Variants in TIAM1 observed in about 807,000 individuals in gnomAD.
TIAM1 encodes rho guanine nucleotide exchange factor TIAM1.
TIAM1 carries 65 observed loss-of-function variants against 163.5 expected under a neutral mutation model. That is an observed-to-expected ratio of 0.40 (90% CI 0.33 to 0.49). The LOEUF (loss-of-function observed/expected upper bound fraction) is 0.49. Ranked by LOEUF, TIAM1 falls within the 20% of genes least tolerant of loss-of-function variation. TIAM1 has a pLI of 0.77. For synonymous variants in TIAM1, 833 were observed against 810.1 expected (o/e 1.03, Z -0.48); for missense variants, 1,789 against 2,044.7 (o/e 0.87, Z 2.41).
At chr21:31,235,288 GA>G (rs146030724) in intron 6 of TIAM1, among the ~76,000 whole-genome samples, 4 of 151,058 alleles carry the variant, frequency 2.6e-5, no homozygotes, top group East Asian at 3.9e-4. Flanking sequence ...ATTAACTACA[GA>G]AAAAAAAATT....
At chr21:31,498,037 T>C (rs997668681) in intron 1 of TIAM1, among the ~76,000 whole-genome samples, 1 of 152,218 alleles carries the variant, frequency 6.6e-6, no homozygotes, top group African/African-American at 2.4e-5. Flanking sequence ...CTGTCCTCCA[T>C]GTGACTGTCA....
chr21:31,297,293 A>G (rs868842691), intron 2 of TIAM1, among the ~76,000 whole-genome samples: 7 of 152,224 alleles, frequency 4.6e-5, no homozygotes, highest in African/African-American at 1.7e-4. Context: ...AGGCAGAAAT[A>G]GAAAGGTGGA....
chr21:31,433,235 C>A (rs1318682729), intron 2 of TIAM1, among the ~76,000 whole-genome samples: 1 of 152,180 alleles, frequency 6.6e-6, no homozygotes, highest in Non-Finnish European at 1.5e-5. Flanking sequence ...GTAAGAAAGA[C>A]TTCACCAGTA....
intron 1 of TIAM1, among the ~76,000 whole-genome samples, chr21:31,466,415 T>C (rs1172667481): frequency 6.6e-6 from 1 of 151,590 alleles, no homozygotes; most frequent in Non-Finnish European, 1.5e-5. Flanking sequence ...ATAAAGGATA[T>C]CTCTCTAAAC....
chr21:31,129,954 A>T lies in TIAM1; in HGVS notation c.4045+259T>A, dbSNP rs528003636. On this transcript the variant is annotated intron_variant, in intron 25 of 27. Coordinates refer to ENST00000541036, the MANE Select transcript of TIAM1 (RefSeq NM_001353694.2). ...GAATAGAATAACTAGAATCTTTTCC[A>T]GGAATTTTGAAGACATTACACATCC... 1.1e-4 allele frequency among the ~76,000 whole-genome samples: 16 copies of T among 152,334 alleles called. 1 individual carries two copies. The South Asian group carries it at 3.3e-3, about 32-fold the overall frequency.
intron 1 of TIAM1, among the ~76,000 whole-genome samples, chr21:31,522,927 T>A (rs1279739804): frequency 1.3e-5 from 2 of 152,224 alleles, no homozygotes; most frequent in African/African-American, 4.8e-5. Context: ...AACCACAAAT[T>A]CTGTCGTTTA....
intron 2 of TIAM1, among the ~76,000 whole-genome samples, chr21:31,405,571 G>A (rs996274132): frequency 6.6e-6 from 1 of 152,138 alleles, no homozygotes. Context: ...TGGCTGGGGA[G>A]GCCTCACAAT....
intron 1 of TIAM1, among the ~76,000 whole-genome samples, chr21:31,466,429 T>C (rs2045534453): frequency 6.6e-6 from 1 of 151,308 alleles, no homozygotes; most frequent in Admixed American, 6.6e-5. Flanking sequence ...TCTAAACTCA[T>C]CTAGCAGCTC....
chr21:31,449,878 T>C (rs972212480), intron 2 of TIAM1, among the ~76,000 whole-genome samples: 3 of 152,002 alleles, frequency 2.0e-5, no homozygotes, highest in African/African-American at 2.4e-5. Flanking sequence ...AGGCAGAAAA[T>C]GTTCACACTG....
rs139456702 is a variant in TIAM1 at position 31,451,148 on chromosome 21, C to T, written c.-369+12835G>A. Among the ~76,000 whole-genome samples, 609 of 152,186 alleles carry T rather than the reference C, an allele frequency of 4.0e-3. 4 individuals carry two copies. Among genetic ancestry groups the T allele is most frequent in the African/African-American group, 0.014 (575 of 41,538 alleles). On this transcript the variant is annotated intron_variant, in intron 2 of 28. Transcript: ENST00000286827. ...ATAGGCCCCGGCATCTGCGTCATCC[C>T]GTGGAGCAATATGCGGCTCCGAGGC...
At chr21:31,228,582 T>C (rs1197158613) in intron 6 of TIAM1, among the ~76,000 whole-genome samples, 2 of 152,082 alleles carry the variant, frequency 1.3e-5, no homozygotes, top group East Asian at 3.9e-4. Flanking sequence ...TGTGGGATAA[T>C]CACACAATGA....
chr21:31,148,603 C>T (rs1395642100), intron 19 of TIAM1, among the ~76,000 whole-genome samples: 1 of 152,188 alleles, frequency 6.6e-6, no homozygotes, highest in Non-Finnish European at 1.5e-5. Flanking sequence ...TAACCCCTCC[C>T]TTTAGCCATC....
At chr21:31,365,240 A>T (rs1490424499) in intron 2 of TIAM1, among the ~76,000 whole-genome samples, 6 of 152,134 alleles carry the variant, frequency 3.9e-5, no homozygotes, top group African/African-American at 1.2e-4. Context: ...GATCTAACAC[A>T]ACGCACATTT....
chr21:31,459,657 A>G (rs2045249389), intron 2 of TIAM1, among the ~76,000 whole-genome samples: 1 of 152,174 alleles, frequency 6.6e-6, no homozygotes, highest in Non-Finnish European at 1.5e-5. Flanking sequence ...GAAGCTATTA[A>G]TAACTTTCTC....
intron 2 of TIAM1, among the ~76,000 whole-genome samples, chr21:31,333,820 C>G (rs886275208): frequency 6.6e-6 from 1 of 152,062 alleles, no homozygotes; most frequent in African/African-American, 2.4e-5. Context: ...AGATGATATT[C>G]TACACTGTAT....
In TIAM1 at chr21:31,446,230, CT is replaced by C. The variant is rs370374387; in HGVS notation, c.-369+17752del. Among the ~76,000 whole-genome samples the C allele has an allele frequency of 7.1e-3, 1,083 of 151,820 alleles. 11 individuals are homozygous for C. Among genetic ancestry groups the C allele is most frequent in the African/African-American group, 0.024 (1,005 of 41,382 alleles). On this transcript the variant is annotated intron_variant, in intron 2 of 28. Transcript: ENST00000286827. ...TTCTGGGATTACAGGTGTGAGCCAC[CT>C]CGCCCTGCCACTGTGTTTGTTTTTT... is the stretch of plus-strand genomic sequence containing the variant.
At chr21:31,216,978 C>T (rs746762109) in intron 9 of TIAM1, among the ~76,000 whole-genome samples, 3 of 152,012 alleles carry the variant, frequency 2.0e-5, no homozygotes, top group South Asian at 4.2e-4. Flanking sequence ...GAGGCTGAGG[C>T]GGGTGGATCA....
chr21:31,266,939 C>A lies in TIAM1; in HGVS notation c.34G>T (p.Glu12Ter). The A allele has an allele frequency of 6.2e-7, 1 of 1,609,560 alleles. No homozygotes were observed. Reference sequence around the variant, plus strand: ...CTGGCATGCTTTTCTCCATAAAACTCGTGCTCTACATGTTGACTTTCTGCG... The same window carrying A: ...CTGGCATGCTTTTCTCCATAAAACTAGTGCTCTACATGTTGACTTTCTGCG... ...GNAESQHVEH[E>*]FYGEKHASLG... The change falls in exon 4 of 28, where the codon GAG (glutamate) becomes TAG (stop). Residue 12 changes from glutamate to a stop codon, truncating the protein, a stop_gained. Coordinates refer to ENST00000541036, the MANE Select transcript of TIAM1 (RefSeq NM_001353694.2). LOFTEE classifies it high-confidence loss of function.
At chr21:31,339,489 A>T (rs1476907928) in intron 1 of TIAM1, 67 bp from the exon 2 acceptor site, 1 of 398,310 alleles carries the variant, frequency 2.5e-6, no homozygotes, top group East Asian at 3.6e-5. Flanking sequence ...AGAGATTGCA[A>T]GATTATCCTC....
Sources: allele counts gnomAD v4.1 joint callset (sites outside exome capture counted in the v4.1 genomes callset), GRCh38; gene constraint gnomAD v4.1.1; transcripts MANE v1.5; gene names NCBI Gene and HGNC (gene_info 2026-07-23, HGNC 2026-07-21).